The following SEMA5B variants were observed in gnomAD, a reference collection of about 807,000 sequenced individuals.
The protein encoded by SEMA5B is semaphorin-5B.
In SEMA5B, 66 loss-of-function variants were observed where a neutral mutation model predicts 135.0. The ratio of observed to expected loss-of-function variants is 0.49; its 90% CI spans 0.40 to 0.60. The LOEUF (loss-of-function observed/expected upper bound fraction) is 0.60. Ranked by LOEUF, SEMA5B falls within the 20% of genes least tolerant of loss-of-function variation. The probability of loss-of-function intolerance (pLI) is 0.00; values close to 1 mark genes in which losing one functional copy is unlikely to be tolerated. For missense variants in SEMA5B, 1,501 were observed against 1,566.3 expected, an observed-to-expected ratio of 0.96 and a Z score of 0.70; for synonymous variants, 690 against 639.5, an observed-to-expected ratio of 1.08 and a Z score of -1.19.
chr3:122,924,690 A>T (rs1301084617), intron 9 of SEMA5B, among the ~76,000 whole-genome samples: 2 of 152,030 alleles, frequency 1.3e-5, no homozygotes, highest in East Asian at 3.9e-4. Context: ...GTCTTGCCAC[A>T]CTGATCTCTG....
intron 5 of SEMA5B, 47 bp from the exon 6 acceptor site, chr3:122,929,105 T>C (rs1407139834): frequency 1.3e-5 from 21 of 1,564,904 alleles, no homozygotes; most frequent in African/African-American, 5.4e-5. Flanking sequence ...GGCTGTGTCA[T>C]TTACTGCCAC....
At chr3:122,993,524 AAAGAGTGTGTGT>A (rs1400954970) in intron 1 of SEMA5B, among the ~76,000 whole-genome samples, 2 of 152,192 alleles carry the variant, frequency 1.3e-5, no homozygotes, top group Non-Finnish European at 2.9e-5. Flanking sequence ...CGAGGAAGAG[AAAGAGTGTGTGT>A]AAGAGTGTGT....
intron 1 of SEMA5B, among the ~76,000 whole-genome samples, chr3:123,018,623 C>T (rs936620045): frequency 3.3e-5 from 5 of 152,230 alleles, no homozygotes; most frequent in African/African-American, 1.2e-4. Flanking sequence ...CACCCCATCA[C>T]CTTGTCGGCT....
chr3:122,959,129 A>T (rs1436636199), intron 2 of SEMA5B, among the ~76,000 whole-genome samples: 1 of 152,242 alleles, frequency 6.6e-6, no homozygotes, highest in Non-Finnish European at 1.5e-5. Context: ...TAATAGTAGG[A>T]TTAAGTAACA....
chr3:122,941,321 A>G (rs1169676792), intron 4 of SEMA5B, among the ~76,000 whole-genome samples: 1 of 152,198 alleles, frequency 6.6e-6, no homozygotes, highest in Non-Finnish European at 1.5e-5. Context: ...ATGCAGGAAA[A>G]AGTGTCCCTC....
intron 1 of SEMA5B, among the ~76,000 whole-genome samples, chr3:123,000,903 A>C (rs1000143120): frequency 6.6e-6 from 1 of 152,242 alleles, no homozygotes; most frequent in Non-Finnish European, 1.5e-5. Flanking sequence ...GATCTGCTCC[A>C]GGTGGAGAAC....
At chr3:122,948,195 T>C (rs151157549) in intron 3 of SEMA5B, among the ~76,000 whole-genome samples, 1 of 152,234 alleles carries the variant, frequency 6.6e-6, no homozygotes, top group East Asian at 1.9e-4. Context: ...CTGAGACCCC[T>C]GGCCACCCCC....
upstream of SEMA5B, among the ~76,000 whole-genome samples, chr3:123,028,289 T>C (rs1020039563): frequency 6.6e-6 from 1 of 152,062 alleles, no homozygotes; most frequent in Non-Finnish European, 1.5e-5. Flanking sequence ...GGAGAGCCGT[T>C]ATAACCTGCA....
intron 20 of SEMA5B, 28 bp from the exon 21 acceptor site, chr3:122,911,563 C>A: frequency 6.2e-7 from 1 of 1,603,594 alleles, no homozygotes; most frequent in South Asian, 1.1e-5. Flanking sequence ...GACAGGGTGT[C>A]AGGGGCGGAG....
intron 1 of SEMA5B, among the ~76,000 whole-genome samples, chr3:122,972,101 C>A (rs1404553221): frequency 6.6e-6 from 1 of 152,178 alleles, no homozygotes; most frequent in African/African-American, 2.4e-5. Flanking sequence ...CCTCACTGCT[C>A]CAGGTAGGAA....
At chr3:123,018,776 G>T (rs1320189780) in intron 1 of SEMA5B, among the ~76,000 whole-genome samples, 2 of 152,146 alleles carry the variant, frequency 1.3e-5, no homozygotes, top group Non-Finnish European at 2.9e-5. Flanking sequence ...CCCCTGTCAT[G>T]ACTATAGCAT....
intron 2 of SEMA5B, 78 bp from the exon 3 acceptor site, chr3:122,948,787 T>A: frequency 8.6e-7 from 1 of 1,156,306 alleles, no homozygotes; most frequent in South Asian, 1.6e-5. Context: ...GTGGTTACAG[T>A]GCCCCCACAG....
intron 1 of SEMA5B, among the ~76,000 whole-genome samples, chr3:122,996,792 G>A (rs548123963): frequency 3.0e-4 from 46 of 152,312 alleles, no homozygotes; most frequent in African/African-American, 1.0e-3. Context: ...TGGGCCTCTG[G>A]GAAGGCAGCC....
At chr3:122,975,913 C>T in intron 1 of SEMA5B, 1 of 1,497,170 alleles carries the variant, frequency 6.7e-7, no homozygotes, top group Admixed American at 2.0e-5. Context: ...ACTCCCTCTC[C>T]TGCCCCCTCT....
chr3:123,017,105 GGTCTTGATATC>G, intron 1 of SEMA5B, among the ~76,000 whole-genome samples: 1 of 151,644 alleles, frequency 6.6e-6, no homozygotes, highest in Non-Finnish European at 1.5e-5. Flanking sequence ...TAGCCAGGAT[GGTCTTGATATC>G]CTGACCTCTG....
In SEMA5B at chr3:122,913,829, G is replaced by A. The variant is rs754977978; in HGVS notation, c.2132+29C>T. 5.1e-6 allele frequency: 8 copies of A among 1,580,310 alleles called. No individual in the cohort carries two copies. The East Asian group carries it at 1.6e-4, about 31-fold the overall frequency. On this transcript the variant is annotated intron_variant, in intron 15 of 22. Coordinates refer to ENST00000357599, the MANE Select transcript of SEMA5B (RefSeq NM_001031702.4). ...TTTCTGGGGGGCCCGGTTAGTCTGGGACCTCAGAGCAAGCCTGTTCTCCCT... is the reference window on the plus strand; with the variant it reads ...TTTCTGGGGGGCCCGGTTAGTCTGGAACCTCAGAGCAAGCCTGTTCTCCCT...
intron 1 of SEMA5B, among the ~76,000 whole-genome samples, chr3:123,010,482 C>G (rs1942413295): frequency 6.6e-6 from 1 of 152,074 alleles, no homozygotes; most frequent in African/African-American, 2.4e-5. Context: ...AATGAGGATG[C>G]AGATGTCCTT....
intron 1 of SEMA5B, among the ~76,000 whole-genome samples, chr3:123,024,256 A>T (rs1942751823): frequency 6.6e-6 from 1 of 152,158 alleles, no homozygotes; most frequent in South Asian, 2.1e-4. Flanking sequence ...CTAAATACAC[A>T]TACTCCATCC....
intron 1 of SEMA5B, among the ~76,000 whole-genome samples, chr3:122,989,509 A>G (rs150781701): frequency 4.6e-5 from 7 of 152,236 alleles, no homozygotes; most frequent in Non-Finnish European, 7.4e-5. Flanking sequence ...TGTGCCTTCT[A>G]TGGCAGCCCA....
Sources: allele counts gnomAD v4.1 joint callset (sites outside exome capture counted in the v4.1 genomes callset), GRCh38; gene constraint gnomAD v4.1.1; transcripts MANE v1.5; gene names NCBI Gene and HGNC (gene_info 2026-07-23, HGNC 2026-07-21).